MAP3K20: variants seen among roughly 807,000 people sequenced by gnomAD.
The protein encoded by MAP3K20 is HCCS-4.
A neutral mutation model predicts 85.7 loss-of-function variants in MAP3K20; 40 were observed. The ratio of observed to expected loss-of-function variants is 0.47; its 90% CI spans 0.36 to 0.61. The LOEUF is 0.61. Among genes scored for constraint, MAP3K20 ranks in the 20% least tolerant of loss-of-function variants. The probability of loss-of-function intolerance (pLI) is 0.00; values close to 1 mark genes in which losing one functional copy is unlikely to be tolerated. For synonymous variants in MAP3K20, 325 were observed against 327.7 expected (o/e 0.99, Z 0.09); for missense variants, 817 against 961.7 (o/e 0.85, Z 1.99).
chr2:173,205,879 T>C (rs1044435567), intron 9 of MAP3K20, among the ~76,000 whole-genome samples: 11 of 152,164 alleles, frequency 7.2e-5, no homozygotes, highest in Non-Finnish European at 1.0e-4. Flanking sequence ...TTTTGTAGAA[T>C]GGGGATTTTT....
chr2:173,086,970 C>T (rs1687161479), intron 1 of MAP3K20, among the ~76,000 whole-genome samples: 3 of 152,214 alleles, frequency 2.0e-5, no homozygotes, highest in Admixed American at 1.3e-4. Context: ...CTTCAGAACC[C>T]TCCGGGGCAC....
chr2:173,167,639 G>A (rs975076246), intron 2 of MAP3K20, among the ~76,000 whole-genome samples: 3 of 152,104 alleles, frequency 2.0e-5, no homozygotes, highest in Non-Finnish European at 4.4e-5. Context: ...GATAATGATT[G>A]TTATTTTGAC....
Position 173,265,954 on chromosome 2 carries a change from T to C in MAP3K20, c.1703-96T>C, listed in dbSNP as rs141006999. The C allele has an allele frequency of 1.4e-5, 18 of 1,294,406 alleles. No individual in the cohort carries two copies. In the East Asian group the frequency reaches 4.6e-4, roughly 33 times the overall value. The allele number at this position is 1,294,406 out of a possible 1,614,324, so 80.2% of individuals were successfully genotyped here. On this transcript the variant is annotated intron_variant, in intron 19 of 19. Transcript: ENST00000375213. ...TCTATGAATGGTAAAGCTTAGAGCATCCCAAACAGCCCTGAATTATCCTAA... is the reference window on the plus strand; with the variant it reads ...TCTATGAATGGTAAAGCTTAGAGCACCCCAAACAGCCCTGAATTATCCTAA...
At chr2:173,080,280 A>G (rs747768194) in intron 1 of MAP3K20, among the ~76,000 whole-genome samples, 5 of 152,156 alleles carry the variant, frequency 3.3e-5, no homozygotes, top group Non-Finnish European at 7.3e-5. Context: ...CACTGTATCA[A>G]TGTGGTAAAG....
chr2:173,150,575 T>C (rs529351409), intron 2 of MAP3K20, among the ~76,000 whole-genome samples: 1 of 152,318 alleles, frequency 6.6e-6, no homozygotes, highest in East Asian at 1.9e-4. Context: ...TAAAAAAATT[T>C]TTTTTCTTTG....
chr2:173,254,371 T>G (rs548858232), intron 16 of MAP3K20, among the ~76,000 whole-genome samples: 1 of 150,388 alleles, frequency 6.6e-6, no homozygotes, highest in East Asian at 2.0e-4. Context: ...GGGGTGGAGC[T>G]TGCAGTGAGC....
At chr2:173,151,810 T>C (rs1332585625) in intron 2 of MAP3K20, among the ~76,000 whole-genome samples, 2 of 152,320 alleles carry the variant, frequency 1.3e-5, no homozygotes, top group East Asian at 3.9e-4. Context: ...GTATTTCTGC[T>C]ATGGACTAAA....
chr2:173,164,118 C>T (rs971803087), intron 2 of MAP3K20, among the ~76,000 whole-genome samples: 1 of 152,098 alleles, frequency 6.6e-6, no homozygotes, highest in African/African-American at 2.4e-5. Context: ...TGCCACCATG[C>T]CCAGCTAATT....
intron 11 of MAP3K20, chr2:173,225,235 T>C: frequency 2.9e-6 from 2 of 689,604 alleles, no homozygotes; most frequent in South Asian, 1.3e-4. Flanking sequence ...GGGGTGGCAT[T>C]TGCTGCCCAG....
Position 173,232,651 on chromosome 2 carries a change from G to A in MAP3K20, c.1203+192G>A, listed in dbSNP as rs181994334. ...CCCAAGTAGCTGGGATTACAGAAGC[G>A]TGCCACCACACCCAGCTAATTTTTG... On this transcript the variant is annotated intron_variant, in intron 14 of 19. Transcript: ENST00000375213. Among the ~76,000 whole-genome samples, 7 of 152,212 alleles carry A rather than the reference G, an allele frequency of 4.6e-5. No homozygotes were observed. In the East Asian group the frequency reaches 7.7e-4, roughly 17 times the overall value.
rs888331482 is a variant in MAP3K20, at chr2:173,199,665, T to G, written c.669+1553T>G. Among the ~76,000 whole-genome samples, 33 of 149,506 alleles carry G rather than the reference T, an allele frequency of 2.2e-4. No homozygotes were observed. The East Asian group carries it at 3.1e-3, about 14-fold the overall frequency. ...AAGATAAACTAGGAGAAAGGTTGTT[T>G]TTTTTTTTTTTTCATTTTGTTTTGT... On this transcript the variant is annotated intron_variant, in intron 8 of 19. Coordinates refer to ENST00000375213, the MANE Select transcript of MAP3K20 (RefSeq NM_016653.3).
intron 5 of MAP3K20, among the ~76,000 whole-genome samples, chr2:173,189,489 A>G (rs894219096): frequency 4.6e-5 from 7 of 152,212 alleles, no homozygotes; most frequent in African/African-American, 1.7e-4. Flanking sequence ...CACTCCCATA[A>G]AAGCCCTATT....
At chr2:173,183,062 T>C (rs1054121905) in intron 4 of MAP3K20, 107 bp downstream of exon 4, 1 of 851,214 alleles carries the variant, frequency 1.2e-6, no homozygotes, top group African/African-American at 1.8e-5. Context: ...AGATGTTCTT[T>C]TTCCAGACCA....
chr2:173,155,371 G>A (rs1450897894), intron 2 of MAP3K20, among the ~76,000 whole-genome samples: 1 of 152,146 alleles, frequency 6.6e-6, no homozygotes, highest in Non-Finnish European at 1.5e-5. Flanking sequence ...TGATATTATT[G>A]TCCGTCTTTT....
At chr2:173,251,796 C>T (rs1445599464) in intron 16 of MAP3K20, among the ~76,000 whole-genome samples, 1 of 152,090 alleles carries the variant, frequency 6.6e-6, no homozygotes, top group Non-Finnish European at 1.5e-5. Context: ...AATTATACCT[C>T]AATAAGAAAA....
chr2:173,157,611 C>T (rs928966578), intron 2 of MAP3K20, among the ~76,000 whole-genome samples: 2 of 152,222 alleles, frequency 1.3e-5, no homozygotes, highest in African/African-American at 2.4e-5. Context: ...AACTCTGTTT[C>T]ACTGGAGAGT....
At chr2:173,138,336 T>C (rs1688861579) in intron 2 of MAP3K20, among the ~76,000 whole-genome samples, 1 of 152,238 alleles carries the variant, frequency 6.6e-6, no homozygotes, top group Non-Finnish European at 1.5e-5. Flanking sequence ...ATGCACTTTT[T>C]CTATTTTGTG....
intron 5 of MAP3K20, 126 bp from the exon 6 acceptor site, chr2:173,190,769 T>TA: frequency 1.1e-6 from 1 of 918,488 alleles, no homozygotes; most frequent in Non-Finnish European, 1.6e-6. Flanking sequence ...ATGCTGTAAA[T>TA]ACATTGATTT....
intron 2 of MAP3K20, among the ~76,000 whole-genome samples, chr2:173,152,126 C>T (rs1252181585): frequency 6.6e-6 from 1 of 152,146 alleles, no homozygotes; most frequent in Non-Finnish European, 1.5e-5. Context: ...TCTCTGGGCT[C>T]ACTGTTGGAC....
Sources: gnomAD v4.1 joint callset for allele counts (sites outside exome capture counted in the v4.1 genomes callset) on GRCh38, gnomAD v4.1.1 for gene constraint, MANE v1.5 for transcripts, NCBI Gene and HGNC (gene_info 2026-07-23, HGNC 2026-07-21) for gene names.